Variants in ASB18 observed in about 807,000 individuals in gnomAD.
The protein encoded by ASB18 is ankyrin repeat and SOCS box protein 18.
In ASB18, 33 loss-of-function variants were observed where a neutral mutation model predicts 33.4. The observed-to-expected ratio is 0.99, with a 90% CI of 0.75 to 1.32. The LOEUF is 1.32. Ranked by LOEUF, ASB18 falls within the 40% of genes most tolerant of loss-of-function variation. ASB18 has a pLI of 0.00. For synonymous variants in ASB18, 295 were observed against 307.6 expected (o/e 0.96, Z 0.43); for missense variants, 694 against 655.5 (o/e 1.06, Z -0.64).
intron 4 of ASB18, among the ~76,000 whole-genome samples, chr2:236,207,217 G>A (rs1173283227): frequency 3.9e-5 from 6 of 152,192 alleles, no homozygotes; most frequent in Non-Finnish European, 8.8e-5. Flanking sequence ...ACGGGCCAAT[G>A]GCCCAGCACG....
Position 236,214,383 on chromosome 2 carries a change from C to T in ASB18, c.1080G>A (p.Val360=). 5 of 1,577,452 alleles carry T rather than the reference C, an allele frequency of 3.2e-6. No homozygotes were observed. The highest frequency in any genetic ancestry group is 4.3e-6 in the Non-Finnish European group (5 of 1,166,462). The part of the protein sequence containing the change: ...QALLNHGSPT[V]WPDAFPKVLK... ...TTACCTTGGGGAAGGCGTCGGGCCACACGGTGGGAGAGCCGTGGTTGAGCA... is the reference window on the plus strand; with the variant it reads ...TTACCTTGGGGAAGGCGTCGGGCCATACGGTGGGAGAGCCGTGGTTGAGCA... The change falls in exon 4 of 6, where the codon GTG becomes GTA. Residue 360 remains valine, a synonymous_variant. Coordinates refer to ENST00000409749, the MANE Select transcript of ASB18 (RefSeq NM_212556.4). The surrounding 1 kb of genome is among the most constrained non-coding windows in gnomAD (Gnocchi z 6.5).
At chr2:236,236,741 C>A (rs1362023518) in intron 3 of ASB18, among the ~76,000 whole-genome samples, 1 of 151,944 alleles carries the variant, frequency 6.6e-6, no homozygotes, top group East Asian at 1.9e-4. Context: ...ATCCAGGCAA[C>A]TTTGACAGTC....
Position 236,241,170 on chromosome 2 carries a change from C to A in ASB18, c.328+110G>T. ...TCATCAGATGTCCTTTTCTTGTGTA[C>A]GTTAAACCCAGTGCCACTGTGCCCA... On this transcript the variant is annotated intron_variant, in intron 2 of 5. Coordinates refer to ENST00000409749, the MANE Select transcript of ASB18 (RefSeq NM_212556.4). The surrounding 1 kb of genome is among the most constrained non-coding windows in gnomAD (Gnocchi z 4.2). The A allele has an allele frequency of 3.6e-6, 4 of 1,103,864 alleles. No homozygotes were observed. The highest frequency in any genetic ancestry group is 1.4e-5 in the South Asian group (1 of 69,258). 68.4% of individuals were successfully genotyped at this position (1,103,864 alleles called of 1,614,324 possible).
chr2:236,198,240 C>T (rs2060383447), intron 4 of ASB18, among the ~76,000 whole-genome samples: 1 of 152,076 alleles, frequency 6.6e-6, no homozygotes, highest in East Asian at 1.9e-4. Flanking sequence ...TTTGTGTATG[C>T]TAATGTTTTA....
rs73999259 is a variant in ASB18, at chr2:236,230,985, A to G, written c.596+6704T>C. Among the ~76,000 whole-genome samples, 204 of 152,260 alleles carry G rather than the reference A, an allele frequency of 1.3e-3. 1 individual carries two copies. The highest frequency in any genetic ancestry group is 4.7e-3 in the African/African-American group (195 of 41,548). The stretch of plus-strand genomic sequence containing the variant: ...CCTACAAGAAGCCCACTTAAAAAAT[A>G]AAGACTCAGGTAAGTTAAAAAATGA... On this transcript the variant is annotated intron_variant, in intron 3 of 5. Transcript: ENST00000409749.
At chr2:236,240,925 G>A (rs553317768) in intron 2 of ASB18, among the ~76,000 whole-genome samples, 2 of 152,218 alleles carry the variant, frequency 1.3e-5, no homozygotes, top group East Asian at 1.9e-4. Context: ...AGGCTGCTCC[G>A]GGCGCAACTG....
Position 236,237,438 on chromosome 2 carries a change from A to G in ASB18, c.596+251T>C, listed in dbSNP as rs11895073. Among the ~76,000 whole-genome samples, 18,682 of 81,192 alleles carry G rather than the reference A, an allele frequency of 0.23. 2,277 individuals carry two copies. Among genetic ancestry groups the G allele is most frequent in the Middle Eastern group, 0.26 (35 of 134 alleles). 53.3% of individuals were successfully genotyped at this position (81,192 alleles called of 152,430 possible). A position where few individuals can be genotyped will look rare whatever the true frequency, so the allele number is the denominator to read the frequency against. On this transcript the variant is annotated intron_variant, in intron 3 of 5. Transcript: ENST00000409749. The surrounding 1 kb of genome is among the most constrained non-coding windows in gnomAD (Gnocchi z 6.2). ...GGGGCCGGGGCCGGGGCGCGGGGCG[A>G]GGGCCGGGAGGTGCCAGGTCTGGGG...
chr2:236,250,105 G>T lies in ASB18; in HGVS notation c.206-8703C>A, dbSNP rs1370590278. The T allele has an allele frequency of 1.3e-5, 2 of 152,180 alleles. No individual in the cohort carries two copies. Among genetic ancestry groups the T allele is most frequent in the Non-Finnish European group, 2.9e-5 (2 of 68,040 alleles). 9.4% of individuals were successfully genotyped at this position (152,180 alleles called of 1,614,324 possible). A position where few individuals can be genotyped will look rare whatever the true frequency, so the allele number is the denominator to read the frequency against. On this transcript the variant is annotated intron_variant, in intron 1 of 5. Coordinates refer to ENST00000409749, the MANE Select transcript of ASB18 (RefSeq NM_212556.4). This position sits in a 1 kb window ranked among gnomAD's most constrained non-coding sequence, Gnocchi z 4.1. ...TAAAATCCACCTTGAAATTATAATG[G>T]GGTATCCACATGGTAGTGTTTGAAT...
chr2:236,240,702 A>G lies in ASB18; in HGVS notation c.328+578T>C, dbSNP rs529871163. 4.6e-5 allele frequency among the ~76,000 whole-genome samples: 7 copies of G among 152,302 alleles called. No individual in the cohort carries two copies. In the South Asian group the frequency reaches 1.2e-3, roughly 27 times the overall value. On this transcript the variant is annotated intron_variant, in intron 2 of 5. Coordinates refer to ENST00000409749, the MANE Select transcript of ASB18 (RefSeq NM_212556.4). ...CTTGTCCGCCCAGCGCACAGTGACCATGTTCAGGCAGCAAGAGCACCTGCA... is the reference window on the plus strand; with the variant it reads ...CTTGTCCGCCCAGCGCACAGTGACCGTGTTCAGGCAGCAAGAGCACCTGCA...
chr2:236,246,845 A>G (rs1559337518), intron 1 of ASB18, among the ~76,000 whole-genome samples: 1 of 152,110 alleles, frequency 6.6e-6, no homozygotes, highest in Non-Finnish European at 1.5e-5. Context: ...TTTTTCTCAG[A>G]CTAATTGTTT....
Position 236,214,605 on chromosome 2 carries a change from C to T in ASB18, c.858G>A (p.Ala286=). 2 of 1,227,268 alleles carry T rather than the reference C, an allele frequency of 1.6e-6. No homozygotes were observed. Among genetic ancestry groups the T allele is most frequent in the Non-Finnish European group, 2.0e-6 (2 of 986,634 alleles). 76.0% of individuals were successfully genotyped at this position (1,227,268 alleles called of 1,614,324 possible). The change falls in exon 4 of 6, where the codon GCG becomes GCA. Residue 286 remains alanine (A), a synonymous_variant. Coordinates refer to ENST00000409749, the MANE Select transcript of ASB18 (RefSeq NM_212556.4). The surrounding 1 kb of genome is among the most constrained non-coding windows in gnomAD (Gnocchi z 6.5). ...CALLLRRGAE[A]DARDEDERSP... Reference sequence around the variant, plus strand: ...TGCGCTCGTCCTCGTCGCGCGCGTCCGCCTCCGCCCCGCGCCGCAGCAGCA... The same window carrying T: ...TGCGCTCGTCCTCGTCGCGCGCGTCTGCCTCCGCCCCGCGCCGCAGCAGCA...
intron 3 of ASB18, among the ~76,000 whole-genome samples, chr2:236,236,539 C>T (rs1405055467): frequency 6.6e-6 from 1 of 152,152 alleles, no homozygotes; most frequent in Non-Finnish European, 1.5e-5. Flanking sequence ...AATCACACCT[C>T]GGTAAAGCTG....
Position 236,259,827 on chromosome 2 carries a change from G to A in ASB18, c.205+4314C>T, listed in dbSNP as rs2106287548. On this transcript the variant is annotated intron_variant, in intron 1 of 5. Transcript: ENST00000409749. The surrounding 1 kb of genome is among the most constrained non-coding windows in gnomAD (Gnocchi z 4.4). ...CCTAATGCCTGCCTCAGCAGGGTAT[G>A]TTCTGTGCTTTCCCCCAATGTCTGC... 6.6e-6 allele frequency among the ~76,000 whole-genome samples: 1 copy of A among 152,356 alleles called. No individual in the cohort carries two copies. The highest frequency in any genetic ancestry group is 1.5e-5 in the Non-Finnish European group (1 of 68,028).
chr2:236,243,578 G>A (rs1215764781), intron 1 of ASB18, among the ~76,000 whole-genome samples: 3 of 152,004 alleles, frequency 2.0e-5, no homozygotes, highest in Non-Finnish European at 2.9e-5. Context: ...GGACAGATGC[G>A]GGGTTCCCAA....
chr2:236,231,977 G>A lies in ASB18; in HGVS notation c.596+5712C>T, dbSNP rs1453971334. On this transcript the variant is annotated intron_variant, in intron 3 of 5. Transcript: ENST00000409749. This position sits in a 1 kb window ranked among gnomAD's most constrained non-coding sequence, Gnocchi z 5.5. ...TCCAATGAAAATCAGCAAGGATATA[G>A]AAATATTAAACAACATGGTTAGGCA... Among the ~76,000 whole-genome samples the A allele has an allele frequency of 6.6e-6, 1 of 152,106 alleles. No homozygotes were observed. Among genetic ancestry groups the A allele is most frequent in the Non-Finnish European group, 1.5e-5 (1 of 68,018 alleles).
intron 3 of ASB18, among the ~76,000 whole-genome samples, chr2:236,230,659 G>A (rs1010431922): frequency 6.6e-6 from 1 of 151,282 alleles, no homozygotes; most frequent in Non-Finnish European, 1.5e-5. Flanking sequence ...TTACCTGAGG[G>A]TAGAGTGTGA....
Position 236,228,591 on chromosome 2 carries a change from G to A in ASB18, c.596+9098C>T, listed in dbSNP as rs563589186. Among the ~76,000 whole-genome samples the A allele has an allele frequency of 3.3e-5, 5 of 152,312 alleles. 1 individual carries two copies. In the South Asian group the frequency reaches 1.0e-3, roughly 32 times the overall value. ...TGTCAAATATTTTGTGTGCATAGAG[G>A]TTGAGAGTGTGGGCTGGTGGATTTC... On this transcript the variant is annotated intron_variant, in intron 3 of 5. Coordinates refer to ENST00000409749, the MANE Select transcript of ASB18 (RefSeq NM_212556.4). The surrounding 1 kb of genome is among the most constrained non-coding windows in gnomAD (Gnocchi z 5.1).
chr2:236,210,098 T>C (rs552694592), intron 4 of ASB18, among the ~76,000 whole-genome samples: 7 of 152,312 alleles, frequency 4.6e-5, no homozygotes, highest in African/African-American at 1.7e-4. Context: ...AACTTCACCT[T>C]AGTGTGTGTA....
In ASB18 at chr2:236,211,012, T is replaced by C. The variant is rs908935108; in HGVS notation, c.1101+3350A>G. On this transcript the variant is annotated intron_variant, in intron 4 of 5. Transcript: ENST00000409749. The surrounding 1 kb of genome is among the most constrained non-coding windows in gnomAD (Gnocchi z 5.0). Reference sequence around the variant, plus strand: ...TGGAAAAAGATCACATGGGACTTCATGACTGTTTCACAGATTCGTATTCCA... The same window carrying C: ...TGGAAAAAGATCACATGGGACTTCACGACTGTTTCACAGATTCGTATTCCA... 6.6e-6 allele frequency among the ~76,000 whole-genome samples: 1 copy of C among 152,214 alleles called. No homozygotes were observed. Among genetic ancestry groups the C allele is most frequent in the Non-Finnish European group, 1.5e-5 (1 of 68,038 alleles).
Sources: gnomAD v4.1 joint callset for allele counts (sites outside exome capture counted in the v4.1 genomes callset) on GRCh38, gnomAD v4.1.1 for gene constraint, Gnocchi (gnomAD v3.1) non-coding constraint, MANE v1.5 for transcripts, NCBI Gene and HGNC (gene_info 2026-07-23, HGNC 2026-07-21) for gene names.